The following MGRN1 variants were observed in gnomAD, a reference collection of about 807,000 sequenced individuals.
The protein encoded by MGRN1 is E3 ubiquitin-protein ligase MGRN1.
MGRN1 carries 29 observed loss-of-function variants against 69.2 expected under a neutral mutation model. That is an observed-to-expected ratio of 0.42 (90% confidence interval 0.31 to 0.57). The LOEUF (loss-of-function observed/expected upper bound fraction) is 0.57. Among genes scored for constraint, MGRN1 ranks in the 20% least tolerant of loss-of-function variants. The pLI, the probability that MGRN1 is intolerant of heterozygous loss-of-function variation, is 0.15. For missense variants in MGRN1, 998 were observed against 796.2 expected (o/e 1.25, Z -3.05); for synonymous variants, 470 against 344.2 (o/e 1.37, Z -4.04).
At position 4,682,931 on chromosome 16, in the gene MGRN1, A is replaced by G; in HGVS notation, c.1467A>G (p.Glu489=). 1.3e-6 allele frequency: 2 copies of G among 1,594,014 alleles called. No individual in the cohort carries two copies. The highest frequency in any genetic ancestry group is 1.7e-6 in the Non-Finnish European group (2 of 1,167,800). The part of the protein sequence containing the change: ...PLGGAELALR[E]SSSPESFITE... ...GTGGCGCAGAGCTGGCCCTGCGGGA[A>G]AGCAGCTCCCCTGAGGTGAGGCCCC... The change falls in exon 14 of 17, where the codon GAA becomes GAG. Residue 489 remains glutamate, a synonymous_variant. Coordinates refer to ENST00000262370, the MANE Select transcript of MGRN1 (RefSeq NM_015246.4).
intron 1 of MGRN1, among the ~76,000 whole-genome samples, chr16:4,636,950 T>G (rs1214931526): frequency 6.6e-6 from 1 of 151,286 alleles, no homozygotes; most frequent in Non-Finnish European, 1.5e-5. Context: ...AAACCCCGTC[T>G]CTACTAAAAA....
intron 1 of MGRN1, among the ~76,000 whole-genome samples, chr16:4,639,039 C>A (rs901849431): frequency 1.3e-5 from 2 of 152,168 alleles, no homozygotes; most frequent in Admixed American, 6.5e-5. Context: ...GGTTGTGTGA[C>A]CTGAGCAGGT....
At chr16:4,676,189 C>T (rs2079049237) in intron 10 of MGRN1, among the ~76,000 whole-genome samples, 1 of 152,224 alleles carries the variant, frequency 6.6e-6, no homozygotes, top group African/African-American at 2.4e-5. Context: ...GAGAGGCCGG[C>T]CGCCCAGCCT....
intron 1 of MGRN1, among the ~76,000 whole-genome samples, chr16:4,627,746 C>T (rs1482034591): frequency 6.7e-6 from 1 of 150,164 alleles, no homozygotes; most frequent in South Asian, 2.1e-4. Context: ...GCCGAGATTG[C>T]GCCACTGCAC....
At chr16:4,636,895 A>G (rs1267903827) in intron 1 of MGRN1, among the ~76,000 whole-genome samples, 2 of 151,826 alleles carry the variant, frequency 1.3e-5, no homozygotes, top group Non-Finnish European at 2.9e-5. Context: ...CGAGACGGGC[A>G]GATCACAAGG....
intron 9 of MGRN1, chr16:4,672,542 G>A (rs1168692479): frequency 2.3e-6 from 1 of 442,592 alleles, no homozygotes; most frequent in Non-Finnish European, 4.6e-6. Context: ...TTTCATACCA[G>A]GGGGCGGCCC....
In MGRN1 at chr16:4,657,816, G is replaced by A. The variant is rs574726518; in HGVS notation, c.561+453G>A. On this transcript the variant is annotated intron_variant, in intron 5 of 16. Coordinates refer to ENST00000262370, the MANE Select transcript of MGRN1 (RefSeq NM_015246.4). ...GCTGCAGTGCAGTGGCGCGATCTCG[G>A]ATCACTACAACCTCTGCCTCCTGGG... Among the ~76,000 whole-genome samples, 4 of 144,154 alleles carry A rather than the reference G, an allele frequency of 2.8e-5. 1 individual carries two copies. In the South Asian group the frequency reaches 6.6e-4, roughly 24 times the overall value. The allele number at this position is 144,154 out of a possible 152,430, so 94.6% of individuals were successfully genotyped here.
intron 5 of MGRN1, among the ~76,000 whole-genome samples, chr16:4,662,952 C>A (rs1438821421): frequency 1.3e-5 from 2 of 152,234 alleles, no homozygotes; most frequent in Non-Finnish European, 2.9e-5. Flanking sequence ...CCTCATGGGT[C>A]TTAGTCAGTG....
chr16:4,686,906 A>T (rs1468223620), intron 16 of MGRN1: 1 of 985,326 alleles, frequency 1.0e-6, no homozygotes. Flanking sequence ...TCCCAAGCTC[A>T]GTCCCTGTCT....
Position 4,688,061 on chromosome 16 carries a change from A to G in MGRN1, c.1619-735A>G, listed in dbSNP as rs530004198. On this transcript the variant is annotated intron_variant, in intron 16 of 16. Coordinates refer to ENST00000262370, the MANE Select transcript of MGRN1 (RefSeq NM_015246.4). ...TAGAACAGGGCTCACAGCCTCGGAA[A>G]CCTGCTCTCGCCGCGGCCCCCGAAG... The G allele has an allele frequency of 8.8e-4, 864 of 985,466 alleles. 23 individuals carry two copies. The South Asian group carries it at 0.036, about 41-fold the overall frequency. 61.0% of individuals were successfully genotyped at this position (985,466 alleles called of 1,614,324 possible). A position where few individuals can be genotyped will look rare whatever the true frequency, so the allele number is the denominator to read the frequency against.
chr16:4,653,257 G>A (rs1243805710), intron 4 of MGRN1, among the ~76,000 whole-genome samples: 2 of 152,184 alleles, frequency 1.3e-5, no homozygotes, highest in African/African-American at 4.8e-5. Flanking sequence ...TTGGTTTATT[G>A]TAAAGGATTC....
chr16:4,638,843 C>T (rs571793434), intron 1 of MGRN1, among the ~76,000 whole-genome samples: 35 of 152,300 alleles, frequency 2.3e-4, no homozygotes, highest in African/African-American at 7.2e-4. Context: ...CCCCCTTCCT[C>T]GGGTGGGAAC....
Position 4,628,136 on chromosome 16 carries a change from C to T in MGRN1, c.88+3088C>T, listed in dbSNP as rs187779200. Among the ~76,000 whole-genome samples, 122 of 150,534 alleles carry T rather than the reference C, an allele frequency of 8.1e-4. 3 individuals carry two copies. The highest frequency in any genetic ancestry group is 6.6e-4 in the Admixed American group (10 of 15,098). On this transcript the variant is annotated intron_variant, in intron 1 of 16. Coordinates refer to ENST00000262370, the MANE Select transcript of MGRN1 (RefSeq NM_015246.4). ...GTGCGGTGGCTCACGCCTGTAATCC[C>T]AGCACTTTGGGAGGCCGAGGCAGGC...
chr16:4,659,625 C>T lies in MGRN1; in HGVS notation c.561+2262C>T, dbSNP rs147319611. ...TTGCTGAGGAAGCTGAAGGAGGGCC[C>T]GCGTGCAGCATAGTGCTGGCTCGTC... is the stretch of plus-strand genomic sequence containing the variant. On this transcript the variant is annotated intron_variant, in intron 5 of 16. Transcript: ENST00000262370. Among the ~76,000 whole-genome samples, 110 of 152,362 alleles carry T rather than the reference C, an allele frequency of 7.2e-4. 1 individual carries two copies. The highest frequency in any genetic ancestry group is 6.0e-3 in the East Asian group (31 of 5,188).
chr16:4,641,371 C>G (rs2078152746), intron 1 of MGRN1, among the ~76,000 whole-genome samples: 2 of 147,844 alleles, frequency 1.4e-5, no homozygotes, highest in Non-Finnish European at 3.1e-5. Context: ...GAGACAGAGT[C>G]ACGCTGTTGC....
intron 4 of MGRN1, among the ~76,000 whole-genome samples, chr16:4,656,430 A>G (rs2078539417): frequency 6.6e-6 from 1 of 152,228 alleles, no homozygotes; most frequent in Non-Finnish European, 1.5e-5. Context: ...GTTGAGGAAG[A>G]GAGACCCGCG....
chr16:4,673,130 G>T (rs1002271346), intron 9 of MGRN1, among the ~76,000 whole-genome samples: 1 of 152,176 alleles, frequency 6.6e-6, no homozygotes, highest in Non-Finnish European at 1.5e-5. Context: ...GAGCCACCGC[G>T]CCTGACCATT....
intron 13 of MGRN1, 29 bp downstream of exon 13, chr16:4,681,805 C>T: frequency 6.3e-7 from 1 of 1,599,162 alleles, no homozygotes; most frequent in Non-Finnish European, 8.5e-7. Context: ...AGGTGCATGG[C>T]AGGGTGTGTG....
chr16:4,647,766 C>T (rs1244849256), intron 1 of MGRN1, among the ~76,000 whole-genome samples: 1 of 152,188 alleles, frequency 6.6e-6, no homozygotes, highest in African/African-American at 2.4e-5. Context: ...CTTGCTGAAG[C>T]AGTTGCCGCT....
Sources: gnomAD v4.1 joint callset for allele counts (sites outside exome capture counted in the v4.1 genomes callset) on GRCh38, gnomAD v4.1.1 for gene constraint, MANE v1.5 for transcripts, NCBI Gene and HGNC (gene_info 2026-07-23, HGNC 2026-07-21) for gene names.